UNC13C: variants seen among roughly 807,000 people sequenced by gnomAD.
UNC13C encodes the protein protein unc-13 homolog C.
A neutral mutation model predicts 245.4 loss-of-function variants in UNC13C; 174 were observed. That is an observed-to-expected ratio of 0.71 (90% CI 0.63 to 0.80). The LOEUF (loss-of-function observed/expected upper bound fraction) is 0.80, where lower values mean the gene tolerates loss of function less well. UNC13C is among the 30% of genes least tolerant of loss of function. The pLI, the probability that UNC13C is intolerant of heterozygous loss-of-function variation, is 0.00. For missense variants in UNC13C, 2,829 were observed against 2,602.9 expected, an observed-to-expected ratio of 1.09 and a Z score of -1.89; for synonymous variants, 992 against 895.1, an observed-to-expected ratio of 1.11 and a Z score of -1.93.
chr15:54,173,780 C>T (rs542120140), intron 4 of UNC13C, among the ~76,000 whole-genome samples: 2 of 152,152 alleles, frequency 1.3e-5, no homozygotes, highest in African/African-American at 2.4e-5. Flanking sequence ...GACATCCTTG[C>T]TTTGTTCTTA....
chr15:53,943,091 T>G, the UNC13C span, among the ~76,000 whole-genome samples: 1 of 152,224 alleles, frequency 6.6e-6, no homozygotes, highest in East Asian at 1.9e-4. Context: ...TCACTGGAAT[T>G]GATTTGATAT....
chr15:53,882,084 T>C, the UNC13C span, among the ~76,000 whole-genome samples: 2 of 152,214 alleles, frequency 1.3e-5, no homozygotes, highest in Non-Finnish European at 2.9e-5. Flanking sequence ...GCTTATAAAA[T>C]TATTTCACTC....
At chr15:54,533,123 G>T (rs965098070) in intron 26 of UNC13C, 57 bp downstream of exon 26, 2 of 1,398,734 alleles carry the variant, frequency 1.4e-6, no homozygotes, top group African/African-American at 2.9e-5. Flanking sequence ...GACCTTTAAG[G>T]CTTTAAGAAA....
intron 17 of UNC13C, among the ~76,000 whole-genome samples, chr15:54,361,705 A>G (rs1053579757): frequency 6.6e-6 from 1 of 152,182 alleles, no homozygotes; most frequent in African/African-American, 2.4e-5. Flanking sequence ...TACAGCGAGC[A>G]CTAGAACTAA....
the UNC13C span, among the ~76,000 whole-genome samples, chr15:53,838,310 A>G: frequency 3.0e-4 from 45 of 151,990 alleles, no homozygotes; most frequent in African/African-American, 9.9e-4. Context: ...TCATTCATTC[A>G]TTCCTTTATA....
chr15:53,839,262 A>T, the UNC13C span, among the ~76,000 whole-genome samples: 2 of 152,086 alleles, frequency 1.3e-5, no homozygotes, highest in Non-Finnish European at 2.9e-5. Flanking sequence ...AAAACTGCTA[A>T]CATTTCCAGT....
intron 5 of UNC13C, among the ~76,000 whole-genome samples, chr15:54,235,824 T>G (rs1596058466): frequency 6.6e-6 from 1 of 152,286 alleles, no homozygotes; most frequent in Non-Finnish European, 1.5e-5. Context: ...CACTCCAGCC[T>G]GCGTGACAGA....
chr15:54,440,932 T>C (rs1567273901), intron 19 of UNC13C, among the ~76,000 whole-genome samples: 1 of 152,102 alleles, frequency 6.6e-6, no homozygotes, highest in East Asian at 1.9e-4. Flanking sequence ...ATTTTTAATA[T>C]ACATGTTGAC....
chr15:54,095,124 A>G (rs994920859), intron 2 of UNC13C, among the ~76,000 whole-genome samples: 1 of 152,176 alleles, frequency 6.6e-6, no homozygotes, highest in African/African-American at 2.4e-5. Flanking sequence ...CTCTCCCAAC[A>G]TGGAAGCCTC....
At chr15:54,007,903 A>G (rs1315718080) in intron 1 of UNC13C, among the ~76,000 whole-genome samples, 1 of 152,154 alleles carries the variant, frequency 6.6e-6, no homozygotes, top group Non-Finnish European at 1.5e-5. Context: ...GCTGTACCAT[A>G]AGAGGTCCTG....
intron 17 of UNC13C, among the ~76,000 whole-genome samples, chr15:54,344,076 A>G (rs2038801515): frequency 6.6e-6 from 1 of 152,230 alleles, no homozygotes; most frequent in African/African-American, 2.4e-5. Context: ...GACAATGCAG[A>G]AACTAACATG....
At chr15:54,397,718 T>A (rs995503906) in intron 18 of UNC13C, among the ~76,000 whole-genome samples, 1 of 151,394 alleles carries the variant, frequency 6.6e-6, no homozygotes, top group Non-Finnish European at 1.5e-5. Context: ...AGGTGTTACA[T>A]ATTCTTTGTT....
chr15:54,189,753 A>AG (rs1277209716), intron 4 of UNC13C, among the ~76,000 whole-genome samples: 3 of 152,160 alleles, frequency 2.0e-5, no homozygotes, highest in South Asian at 2.1e-4. Context: ...CAAAGCTTAT[A>AG]GGGCCATGTT....
chr15:54,624,241 T>C (rs1031108760), intron 32 of UNC13C, among the ~76,000 whole-genome samples: 6 of 152,194 alleles, frequency 3.9e-5, no homozygotes, highest in Admixed American at 2.0e-4. Context: ...ATATTTGTCA[T>C]ATGGCATTAA....
chr15:53,868,804 G>A, the UNC13C span, among the ~76,000 whole-genome samples: 94,852 of 151,992 alleles, frequency 0.62, 29,645 homozygotes, highest in East Asian at 0.68. Context: ...TTCTATAGAG[G>A]TCTCACTAGG....
At chr15:54,213,866 G>C (rs2034959799) in intron 4 of UNC13C, among the ~76,000 whole-genome samples, 1 of 151,874 alleles carries the variant, frequency 6.6e-6, no homozygotes, top group African/African-American at 2.4e-5. Context: ...AGAGGTGAGG[G>C]AATTTTCTCT....
intron 3 of UNC13C, 63 bp from the exon 4 acceptor site, chr15:54,143,557 T>A: frequency 7.2e-7 from 1 of 1,386,898 alleles, no homozygotes; most frequent in Non-Finnish European, 1.0e-6. Context: ...CGATTTCGTG[T>A]ACATAAAACT....
the UNC13C span, among the ~76,000 whole-genome samples, chr15:53,865,501 A>G: frequency 1.3e-5 from 2 of 152,124 alleles, no homozygotes; most frequent in Non-Finnish European, 2.9e-5. Context: ...CACCAGTCAT[A>G]TTAGATTAGG....
At chr15:54,451,797 T>A (rs1452135401) in intron 19 of UNC13C, among the ~76,000 whole-genome samples, 1 of 152,222 alleles carries the variant, frequency 6.6e-6, no homozygotes, top group Non-Finnish European at 1.5e-5. Context: ...GCAGAATTAT[T>A]GTGTTTTTTT....
Sources: allele counts gnomAD v4.1 joint callset (sites outside exome capture counted in the v4.1 genomes callset), GRCh38; gene constraint gnomAD v4.1.1; transcripts MANE v1.5; gene names NCBI Gene and HGNC (gene_info 2026-07-23, HGNC 2026-07-21).